The following TTLL5 variants were observed in gnomAD, a reference collection of about 807,000 sequenced individuals.
TTLL5 encodes tubulin polyglutamylase TTLL5.
In TTLL5, 132 loss-of-function variants were observed where a neutral mutation model predicts 168.4. The ratio of observed to expected loss-of-function variants is 0.78; its 90% CI spans 0.68 to 0.91. The LOEUF is 0.91. TTLL5 is among the 40% of genes least tolerant of loss of function. TTLL5 has a pLI of 0.00. For missense variants in TTLL5, 1,545 were observed against 1,581.5 expected (o/e 0.98, Z 0.39); for synonymous variants, 546 against 558.6 (o/e 0.98, Z 0.32).
chr14:75,755,027 G>T (rs1309329275), intron 18 of TTLL5, among the ~76,000 whole-genome samples: 1 of 152,122 alleles, frequency 6.6e-6, no homozygotes, highest in African/African-American at 2.4e-5. Context: ...CACTTTGGGA[G>T]GCTGAGGTGG....
intron 3 of TTLL5, among the ~76,000 whole-genome samples, chr14:75,677,795 A>C (rs960262207): frequency 9.2e-5 from 14 of 151,858 alleles, no homozygotes; most frequent in Admixed American, 9.2e-4. Context: ...TTAAAAAAAA[A>C]AATTTTTTTT....
At chr14:75,715,584 A>C (rs1887388760) in intron 9 of TTLL5, among the ~76,000 whole-genome samples, 2 of 152,180 alleles carry the variant, frequency 1.3e-5, no homozygotes, top group Admixed American at 1.3e-4. Flanking sequence ...TTTTCTCTCC[A>C]TAGTGTATGT....
intron 21 of TTLL5, among the ~76,000 whole-genome samples, chr14:75,772,136 C>T (rs969487788): frequency 1.3e-5 from 2 of 152,112 alleles, no homozygotes; most frequent in African/African-American, 4.8e-5. Flanking sequence ...ATTGATTTCT[C>T]ATTGGACGTG....
At chr14:75,775,781 A>G in intron 22 of TTLL5, 151 bp downstream of exon 22, 1 of 994,978 alleles carries the variant, frequency 1.0e-6, no homozygotes. Context: ...GGGAAGCAGG[A>G]CCCCACACCT....
intron 30 of TTLL5, chr14:75,887,189 A>G: frequency 1.0e-6 from 1 of 999,834 alleles, no homozygotes; most frequent in Non-Finnish European, 1.2e-6. Flanking sequence ...GTAGCCTGGT[A>G]GCACCAAATC....
At chr14:75,695,013 G>C (rs955606363) in intron 6 of TTLL5, among the ~76,000 whole-genome samples, 2 of 152,214 alleles carry the variant, frequency 1.3e-5, no homozygotes, top group African/African-American at 4.8e-5. Context: ...CAGGATAACA[G>C]TGATGTTCAT....
At chr14:75,684,901 G>A (rs937341598) in intron 5 of TTLL5, 1 of 152,156 alleles carries the variant, frequency 6.6e-6, no homozygotes, top group African/African-American at 2.4e-5. Flanking sequence ...ACACAGTTGT[G>A]TTCACTTTGT....
chr14:75,686,214 C>T (rs148797610), intron 5 of TTLL5, among the ~76,000 whole-genome samples: 1 of 152,218 alleles, frequency 6.6e-6, no homozygotes, highest in African/African-American at 2.4e-5. Flanking sequence ...TGAGTCCAGT[C>T]GAGGCTAACC....
intron 29 of TTLL5, among the ~76,000 whole-genome samples, chr14:75,882,034 G>A (rs1157162803): frequency 6.6e-6 from 1 of 152,144 alleles, no homozygotes; most frequent in East Asian, 1.9e-4. Flanking sequence ...CATTTGTATA[G>A]TAATTTTACT....
chr14:75,697,301 T>G (rs1885939424), intron 6 of TTLL5, among the ~76,000 whole-genome samples: 1 of 152,242 alleles, frequency 6.6e-6, no homozygotes, highest in Non-Finnish European at 1.5e-5. Flanking sequence ...AATTAATATT[T>G]TGCTGTTATA....
At chr14:75,948,608 T>C (rs1217015105) in intron 31 of TTLL5, among the ~76,000 whole-genome samples, 1 of 152,028 alleles carries the variant, frequency 6.6e-6, no homozygotes, top group Non-Finnish European at 1.5e-5. Flanking sequence ...TGAAAGTTAA[T>C]GTGCCAAGTA....
Position 75,663,020 on chromosome 14 carries a change from A to G in TTLL5, c.-95-35A>G, listed in dbSNP as rs1204074094. ...TAAATAGACAACTGCATTGTGTTTC[A>G]GGTCAATTGATCCAATCAAGTTGAT... On this transcript the variant is annotated intron_variant, in intron 1 of 31. Coordinates refer to ENST00000298832, the MANE Select transcript of TTLL5 (RefSeq NM_015072.5). 3.9e-6 allele frequency: 3 copies of G among 761,098 alleles called. No individual in the cohort carries two copies. The African/African-American group carries it at 5.2e-5, about 13-fold the overall frequency. 47.1% of individuals were successfully genotyped at this position (761,098 alleles called of 1,614,324 possible).
At chr14:75,941,843 CTTTTT>C (rs71122506) in intron 31 of TTLL5, among the ~76,000 whole-genome samples, 2 of 69,404 alleles carry the variant, frequency 2.9e-5, no homozygotes, top group Non-Finnish European at 2.6e-5. Flanking sequence ...TCATGATGAA[CTTTTT>C]TTTTTTTTTT....
At chr14:75,847,540 G>A (rs2139873129) in intron 28 of TTLL5, 1 of 152,110 alleles carries the variant, frequency 6.6e-6, no homozygotes, top group East Asian at 1.9e-4. Context: ...TGTTTACTAT[G>A]TATACAACTG....
intron 2 of TTLL5, among the ~76,000 whole-genome samples, chr14:75,666,339 G>A (rs1883258587): frequency 6.6e-6 from 1 of 152,222 alleles, no homozygotes; most frequent in African/African-American, 2.4e-5. Flanking sequence ...TATCCAGGCA[G>A]TCTTGTTTTG....
intron 30 of TTLL5, 57 bp downstream of exon 30, chr14:75,882,959 CT>C: frequency 6.4e-7 from 1 of 1,551,968 alleles, no homozygotes; most frequent in Non-Finnish European, 8.8e-7. Flanking sequence ...GCTAATAGTA[CT>C]CTTTATTTAT....
chr14:75,902,681 T>C (rs1398077518), intron 31 of TTLL5: 1 of 453,936 alleles, frequency 2.2e-6, no homozygotes, highest in Non-Finnish European at 4.4e-6. Flanking sequence ...TTGATCTACG[T>C]GTTGTGCTAA....
Position 75,852,424 on chromosome 14 carries a change from C to G in TTLL5, c.3327-11243C>G, listed in dbSNP as rs576581018. Among the ~76,000 whole-genome samples, 22 of 152,324 alleles carry G rather than the reference C, an allele frequency of 1.4e-4. 1 individual carries two copies. The highest frequency in any genetic ancestry group is 2.9e-4 in the Non-Finnish European group (20 of 68,024). On this transcript the variant is annotated intron_variant, in intron 28 of 31. Coordinates refer to ENST00000298832, the MANE Select transcript of TTLL5 (RefSeq NM_015072.5). Reference sequence around the variant, plus strand: ...AGTTTTTAAGTCCTTTCACCCTGTTCTCAAGCAAGGAGACCAGCTTGCACT... The same window carrying G: ...AGTTTTTAAGTCCTTTCACCCTGTTGTCAAGCAAGGAGACCAGCTTGCACT...
At chr14:75,731,383 A>T (rs1888531275) in intron 12 of TTLL5, among the ~76,000 whole-genome samples, 2 of 27,134 alleles carry the variant, frequency 7.4e-5, no homozygotes, top group African/African-American at 2.5e-4. Flanking sequence ...ATACACACAC[A>T]CACACACACA....
Sources: allele counts gnomAD v4.1 joint callset (sites outside exome capture counted in the v4.1 genomes callset), GRCh38; gene constraint gnomAD v4.1.1; transcripts MANE v1.5; gene names NCBI Gene and HGNC (gene_info 2026-07-23, HGNC 2026-07-21).